SAMD9: variants seen among roughly 807,000 people sequenced by gnomAD.
The protein encoded by SAMD9 is sterile alpha motif domain-containing protein 9.
SAMD9 carries 3 observed loss-of-function variants against 1.5 expected under a neutral mutation model. The observed-to-expected ratio is 2.05, with a 90% CI of 0.93 to 5.29. The LOEUF (loss-of-function observed/expected upper bound fraction) is 5.29, where lower values mean the gene tolerates loss of function less well. Ranked by LOEUF, SAMD9 falls within the 30% of genes most tolerant of loss-of-function variation. The probability of loss-of-function intolerance (pLI) is 0.02; values close to 1 mark genes in which losing one functional copy is unlikely to be tolerated. For synonymous variants in SAMD9, 635 were observed against 631.9 expected, an observed-to-expected ratio of 1.00 and a Z score of -0.07; for missense variants, 1,597 against 1,820.8, an observed-to-expected ratio of 0.88 and a Z score of 2.24.
In SAMD9 at chr7:93,101,943, C is replaced by T. The variant is rs1239326825; in HGVS notation, c.4155G>A (p.Lys1385=). 4 of 1,613,674 alleles carry T rather than the reference C, an allele frequency of 2.5e-6. No homozygotes were observed. The highest frequency in any genetic ancestry group is 2.2e-5 in the East Asian group (1 of 44,870). The change falls in exon 3 of 3, where the codon AAG becomes AAA. Residue 1385 remains lysine (K), a synonymous_variant. Coordinates refer to ENST00000379958, the MANE Select transcript of SAMD9 (RefSeq NM_017654.4). ...QCTVKIQSKE[K]LNFILANIIL... is the part of the protein sequence containing the mutation. ...TAATGTTGGCCAAGATGAAATTTAGCTTTTCTTTTGACTGGATTTTGACAG... is the reference window on the plus strand; with the variant it reads ...TAATGTTGGCCAAGATGAAATTTAGTTTTTCTTTTGACTGGATTTTGACAG...
intron 2 of SAMD9, among the ~76,000 whole-genome samples, chr7:93,113,990 A>C (rs1328801026): frequency 6.6e-6 from 1 of 152,200 alleles, no homozygotes; most frequent in Non-Finnish European, 1.5e-5. Flanking sequence ...CTATAAAGAC[A>C]CATGCACACG....
At position 93,103,385 on chromosome 7, in the gene SAMD9, G is replaced by T; in HGVS notation, c.2713C>A (p.Leu905Met). ...EYIENVVRNI[L>M]KGQNIFTKEA... is the part of the protein sequence containing the mutation. ...TTGGTGAAAATATTCTGCCCTTTCA[G>T]GATATTCCGGACCACATTTTCTATG... The change falls in exon 3 of 3, where the codon CTG (leucine) becomes ATG (methionine). Residue 905 changes from leucine to methionine, a missense_variant. Transcript: ENST00000379958. The T allele has an allele frequency of 6.2e-7, 1 of 1,613,376 alleles. No individual in the cohort carries two copies. The highest frequency in any genetic ancestry group is 8.5e-7 in the Non-Finnish European group (1 of 1,179,486).
rs772571905 is a variant in SAMD9 at position 93,105,498 on chromosome 7, G to A, written c.600C>T (p.Phe200=). The change falls in exon 3 of 3, where the codon TTC becomes TTT. Residue 200 remains phenylalanine, a synonymous_variant. Transcript: ENST00000379958. ...CTTCTGTGGCTGTTGCTGTATTTGT[G>A]AAGGCTTTGAATTCATGTATCGGAT... ...LIDPIHEFKA[F]TNTATATEED... 2 of 1,614,050 alleles carry A rather than the reference G, an allele frequency of 1.2e-6. No individual in the cohort carries two copies. Among genetic ancestry groups the A allele is most frequent in the Non-Finnish European group, 1.7e-6 (2 of 1,179,992 alleles).
Position 93,104,992 on chromosome 7 carries a change from A to T in SAMD9, c.1106T>A (p.Leu369Gln), listed in dbSNP as rs1290890913. The T allele has an allele frequency of 6.2e-7, 1 of 1,613,442 alleles. No individual in the cohort carries two copies. Among genetic ancestry groups the T allele is most frequent in the East Asian group, 2.2e-5 (1 of 44,836 alleles). The change falls in exon 3 of 3, where the codon CTG becomes CAG. Residue 369 changes from leucine (L) to glutamine (Q), a missense_variant. Coordinates refer to ENST00000379958, the MANE Select transcript of SAMD9 (RefSeq NM_017654.4). Reference protein sequence around the residue: ...FRAFKADFKTLAESRKAAEEK... With the variant: ...FRAFKADFKTQAESRKAAEEK... ...TTCTGCTGCTTTTCTGGACTCTGCC[A>T]GTGTTTTAAAATCTGCTTTAAATGC...
chr7:93,101,793 A>G lies in SAMD9; in HGVS notation c.4305T>C (p.Ala1435=). 5 of 1,613,836 alleles carry G rather than the reference A, an allele frequency of 3.1e-6. No individual in the cohort carries two copies. In the South Asian group the frequency reaches 5.5e-5, roughly 18 times the overall value. ...TYQFSEPYFL[A]SLLFWPENQQ... ...GATTTTCTGGCCAGAATAAGAGGGA[A>G]GCTAGAAAATACGGTTCTGAAAACT... The change falls in exon 3 of 3, where the codon GCT becomes GCC. Residue 1435 remains alanine, a synonymous_variant. Transcript: ENST00000379958.
In SAMD9 at chr7:93,102,453, AG is replaced by A. The variant is rs770983257; in HGVS notation, c.3644del (p.Pro1215LeufsTer34). The stretch of plus-strand genomic sequence containing the variant: ...ATAGCTCATTTTTATTATCAAAAAA[AG>A]GAATGAGCTGGAGAATTTGGATTGT... The part of the protein sequence containing the change: ...LYTIQILQLI[P>X]FFDNKNELSK... On this transcript the variant is annotated frameshift_variant, in exon 3 of 3. Transcript: ENST00000379958. LOFTEE classifies it low-confidence loss of function (END_TRUNC). 1 of 1,613,622 alleles carries A rather than the reference AG, an allele frequency of 6.2e-7. No homozygotes were observed.
chr7:93,102,377 C>G lies in SAMD9; in HGVS notation c.3721G>C (p.Asp1241His), dbSNP rs141933427. 141 of 1,608,120 alleles carry G rather than the reference C, an allele frequency of 8.8e-5. No homozygotes were observed. Among genetic ancestry groups the G allele is most frequent in the Non-Finnish European group, 1.1e-4 (132 of 1,175,292 alleles). Residue 1241 changes from aspartate (D) to histidine (H), a missense_variant, in exon 3 of 3, where the codon GAT (aspartate) becomes CAT (histidine). By Grantham distance (81) the Asp-to-His change is moderately conservative. This residue lies in a region of SAMD9 where 682 missense variants were observed against 810.0 expected (regional missense o/e 0.84). Transcript: ENST00000379958. ...GCTAATTTATATTCATTGTTTGGAT[C>G]CCCTGGAATATCACTACTTCCTGAT... is the stretch of plus-strand genomic sequence containing the variant. ...FVSGSSDIPG[D>H]PNNEYKLALK...
chr7:93,106,342 A>G (rs1200879412), intron 2 of SAMD9, among the ~76,000 whole-genome samples: 1 of 152,222 alleles, frequency 6.6e-6, no homozygotes, highest in Non-Finnish European at 1.5e-5. Context: ...CATACTATAC[A>G]TAATTCTCTT....
rs779614042 is a variant in SAMD9, at chr7:93,101,430, A to C, written c.4668T>G (p.Ala1556=). Residue 1556 remains alanine (A), a synonymous_variant, in exon 3 of 3, where the codon GCT becomes GCG. Transcript: ENST00000379958. ...TGCCACTTCTAAGTTGACCTAAAAA[A>C]GCGGGAGTGATGGGTATTGTGATTT... The part of the protein sequence containing the change: ...NEKITIPITP[A]FLGQLRSGRS... The C allele has an allele frequency of 3.2e-5, 52 of 1,613,710 alleles. No homozygotes were observed. Among genetic ancestry groups the C allele is most frequent in the Non-Finnish European group, 4.2e-5 (50 of 1,179,750 alleles).
rs753279727 is a variant in SAMD9 at position 93,104,010 on chromosome 7, G to A, written c.2088C>T (p.Phe696=). ...GGKVSWWNFY[F]SSESYSSPFV... ...AAGGTGAAGAATAACTTTCAGAAGA[G>A]AAGTAGAAGTTCCACCATGACACTT... Residue 696 remains phenylalanine (F), a synonymous_variant, in exon 3 of 3, where the codon TTC becomes TTT. Coordinates refer to ENST00000379958, the MANE Select transcript of SAMD9 (RefSeq NM_017654.4). The A allele has an allele frequency of 3.7e-6, 6 of 1,613,926 alleles. No homozygotes were observed. Among genetic ancestry groups the A allele is most frequent in the Non-Finnish European group, 3.4e-6 (4 of 1,179,838 alleles).
At chr7:93,107,339 C>T (rs1319091238) in intron 2 of SAMD9, among the ~76,000 whole-genome samples, 3 of 152,192 alleles carry the variant, frequency 2.0e-5, no homozygotes, top group African/African-American at 7.2e-5. Context: ...TTGTATTAAA[C>T]TAATTTTTCA....
chr7:93,103,077 A>G lies in SAMD9; in HGVS notation c.3021T>C (p.Ile1007=), dbSNP rs199753854. 46 of 1,613,812 alleles carry G rather than the reference A, an allele frequency of 2.9e-5. No homozygotes were observed. The highest frequency in any genetic ancestry group is 3.5e-5 in the Non-Finnish European group (41 of 1,179,796). The part of the protein sequence containing the change: ...KKSYHLNKSQ[I]MLDMLTENLF... The stretch of plus-strand genomic sequence containing the variant: ...AATTCTCAGTTAGCATATCCAACAT[A>G]ATTTGACTTTTATTCAGGTGATAGC... Residue 1007 remains isoleucine, a synonymous_variant, in exon 3 of 3, where the codon ATT becomes ATC. Coordinates refer to ENST00000379958, the MANE Select transcript of SAMD9 (RefSeq NM_017654.4).
At chr7:93,107,191 T>C (rs983319115) in intron 2 of SAMD9, among the ~76,000 whole-genome samples, 1 of 151,720 alleles carries the variant, frequency 6.6e-6, no homozygotes, top group Non-Finnish European at 1.5e-5. Flanking sequence ...CAGGCGTGAG[T>C]CACCATGCCT....
In SAMD9 at chr7:93,104,999, T is replaced by C. The variant is rs1414305058; in HGVS notation, c.1099A>G (p.Lys367Glu). ...VDFRAFKADF[K>E]TLAESRKAAE... ...GCTTTTCTGGACTCTGCCAGTGTTT[T>C]AAAATCTGCTTTAAATGCTCTGAAA... Residue 367 changes from lysine to glutamate, a missense_variant, in exon 3 of 3, where the codon AAA becomes GAA. Physicochemically the swap from Lys to Glu is moderately conservative, Grantham distance 56. Around this residue, in one of 6 missense-constraint regions of SAMD9, gnomAD observed 498 missense variants for 457.4 expected, o/e 1.09. Transcript: ENST00000379958. 1 of 1,613,786 alleles carries C rather than the reference T, an allele frequency of 6.2e-7. No individual in the cohort carries two copies. The highest frequency in any genetic ancestry group is 1.7e-5 in the Admixed American group (1 of 60,010).
chr7:93,114,172 C>G (rs1035760147), intron 2 of SAMD9, among the ~76,000 whole-genome samples: 3 of 152,006 alleles, frequency 2.0e-5, no homozygotes, highest in African/African-American at 7.3e-5. Context: ...AGCTGGAAAC[C>G]ATCATTCTGA....
rs1791855744 is a variant in SAMD9, at chr7:93,117,844, T to C, written c.-110+19A>G. On this transcript the variant is annotated intron_variant, in intron 1 of 2. Coordinates refer to ENST00000379958, the MANE Select transcript of SAMD9 (RefSeq NM_017654.4). ...CTATAGATAGTAAGAACAATATTAATAATAGATATTGTACTTACCCAGTAG... is the reference window on the plus strand; with the variant it reads ...CTATAGATAGTAAGAACAATATTAACAATAGATATTGTACTTACCCAGTAG... 2 of 152,384 alleles carry C rather than the reference T, an allele frequency of 1.3e-5. No individual in the cohort carries two copies. Among genetic ancestry groups the C allele is most frequent in the South Asian group, 4.1e-4 (2 of 4,834 alleles). The allele number at this position is 152,384 out of a possible 1,614,324, so 9.4% of individuals were successfully genotyped here. A position where few individuals can be genotyped will look rare whatever the true frequency, so the allele number is the denominator to read the frequency against.
At chr7:93,108,353 T>C (rs1038352730) in intron 2 of SAMD9, among the ~76,000 whole-genome samples, 3 of 152,162 alleles carry the variant, frequency 2.0e-5, no homozygotes, top group Non-Finnish European at 4.4e-5. Context: ...GATGGCTGAA[T>C]AGGAACAGCT....
rs201492733 is a variant in SAMD9 at position 93,102,373 on chromosome 7, G to A, written c.3725C>T (p.Pro1242Leu). 2.5e-5 allele frequency: 40 copies of A among 1,607,826 alleles called. No individual in the cohort carries two copies. The highest frequency in any genetic ancestry group is 1.7e-4 in the Middle Eastern group (1 of 6,040). Reference protein sequence around the residue: ...VSGSSDIPGDPNNEYKLALKN... With the variant: ...VSGSSDIPGDLNNEYKLALKN... ...GAGGGCTAATTTATATTCATTGTTT[G>A]GATCCCCTGGAATATCACTACTTCC... Residue 1242 changes from proline (P) to leucine (L), a missense_variant, in exon 3 of 3, where the codon CCA becomes CTA. Coordinates refer to ENST00000379958, the MANE Select transcript of SAMD9 (RefSeq NM_017654.4).
rs1791500393 is a variant in SAMD9 at position 93,099,988 on chromosome 7, T to C, written c.*1340A>G. ...AAATATCTAGTCTGTGTTCAAATTT[T>C]TCTGATTGCCTAATAATTGATTTTA... On this transcript the variant is annotated 3_prime_UTR_variant, in exon 3 of 3. Coordinates refer to ENST00000379958, the MANE Select transcript of SAMD9 (RefSeq NM_017654.4). 1 of 152,198 alleles carries C rather than the reference T, an allele frequency of 6.6e-6. No homozygotes were observed. Among genetic ancestry groups the C allele is most frequent in the Non-Finnish European group, 1.5e-5 (1 of 68,032 alleles). 9.4% of individuals were successfully genotyped at this position (152,198 alleles called of 1,614,324 possible).
Sources: allele counts gnomAD v4.1 joint callset (sites outside exome capture counted in the v4.1 genomes callset), GRCh38; gene constraint gnomAD v4.1.1; regional missense constraint gnomAD v4.1.1; transcripts MANE v1.5; gene names NCBI Gene and HGNC (gene_info 2026-07-23, HGNC 2026-07-21).